CALCR: variants seen among roughly 807,000 people sequenced by gnomAD.
The protein encoded by CALCR is calcitonin receptor.
Under a neutral mutation model 59.5 loss-of-function variants are expected in CALCR, and 47 were observed. The observed-to-expected ratio is 0.79, with a 90% CI of 0.63 to 1.01. The LOEUF (loss-of-function observed/expected upper bound fraction) is 1.01. Among genes scored for constraint, CALCR ranks in the 50% least tolerant of loss-of-function variants. The probability of loss-of-function intolerance (pLI) is 0.00; values close to 1 mark genes in which losing one functional copy is unlikely to be tolerated. For missense variants in CALCR, 566 were observed against 597.1 expected, an observed-to-expected ratio of 0.95 and a Z score of 0.54; for synonymous variants, 213 against 211.3, an observed-to-expected ratio of 1.01 and a Z score of -0.07.
At chr7:93,501,706 G>A (rs1801324980) in intron 2 of CALCR, among the ~76,000 whole-genome samples, 1 of 152,070 alleles carries the variant, frequency 6.6e-6, no homozygotes, top group Admixed American at 6.6e-5. Context: ...AGTGATAGGA[G>A]CTAAAGGACG....
chr7:93,526,649 T>C (rs1413290882), intron 2 of CALCR, among the ~76,000 whole-genome samples: 1 of 152,100 alleles, frequency 6.6e-6, no homozygotes, highest in African/African-American at 2.4e-5. Flanking sequence ...ATATATGAAA[T>C]TTTATTCCAT....
At chr7:93,451,956 G>A (rs1800117925) in intron 8 of CALCR, among the ~76,000 whole-genome samples, 1 of 151,938 alleles carries the variant, frequency 6.6e-6, no homozygotes, top group Non-Finnish European at 1.5e-5. Flanking sequence ...TGTTACAAGT[G>A]AGAGTTAAAC....
intron 2 of CALCR, among the ~76,000 whole-genome samples, chr7:93,535,261 T>G (rs1189714991): frequency 6.6e-6 from 1 of 151,734 alleles, no homozygotes; most frequent in Admixed American, 6.6e-5. Flanking sequence ...TAATAAGACA[T>G]AGTTTATATG....
intron 9 of CALCR, 44 bp downstream of exon 9, chr7:93,443,560 C>T: frequency 6.3e-7 from 1 of 1,579,530 alleles, no homozygotes; most frequent in Non-Finnish European, 8.7e-7. Context: ...AGCATACAGA[C>T]AGAGGTGAAA....
chr7:93,428,786 CAA>C (rs562182322), intron 13 of CALCR, among the ~76,000 whole-genome samples: 19,986 of 83,544 alleles, frequency 0.24, 1,347 homozygotes, highest in East Asian at 0.42. Context: ...GACTCCGTCT[CAA>C]AAAAAAAAAA....
intron 2 of CALCR, among the ~76,000 whole-genome samples, chr7:93,544,579 GT>G (rs1055340798): frequency 6.6e-6 from 1 of 151,694 alleles, no homozygotes; most frequent in Non-Finnish European, 1.5e-5. Flanking sequence ...GTTTATGAAG[GT>G]TTTTTTTCAC....
intron 2 of CALCR, among the ~76,000 whole-genome samples, chr7:93,546,733 T>G (rs1247336721): frequency 6.6e-6 from 1 of 151,864 alleles, no homozygotes; most frequent in Non-Finnish European, 1.5e-5. Context: ...TTGTATTTTT[T>G]TTTTTTTGGT....
chr7:93,460,591 A>ATATATATATG (rs1346977328), intron 8 of CALCR, among the ~76,000 whole-genome samples: 9 of 115,610 alleles, frequency 7.8e-5, no homozygotes, highest in African/African-American at 3.5e-4. Flanking sequence ...ATATATATAT[A>ATATATATATG]TGTATATATA....
At chr7:93,519,011 A>G (rs1212241433) in intron 2 of CALCR, among the ~76,000 whole-genome samples, 1 of 151,984 alleles carries the variant, frequency 6.6e-6, no homozygotes, top group Non-Finnish European at 1.5e-5. Flanking sequence ...TGATCATGTT[A>G]ATTATGTAAT....
intron 8 of CALCR, among the ~76,000 whole-genome samples, chr7:93,452,218 C>T (rs2115766367): frequency 6.6e-6 from 1 of 152,112 alleles, no homozygotes; most frequent in Admixed American, 6.6e-5. Flanking sequence ...ATTTAGGGTT[C>T]AGAGAGAGTC....
intron 2 of CALCR, among the ~76,000 whole-genome samples, chr7:93,509,004 A>C (rs1024719037): frequency 6.6e-6 from 1 of 152,112 alleles, no homozygotes; most frequent in Non-Finnish European, 1.5e-5. Flanking sequence ...ATTCTATCTC[A>C]TCTCATGTGA....
At chr7:93,553,402 A>G (rs1415908833) in intron 2 of CALCR, among the ~76,000 whole-genome samples, 1 of 152,186 alleles carries the variant, frequency 6.6e-6, no homozygotes. Flanking sequence ...ATAATGAGCA[A>G]GATCACTTGT....
At chr7:93,468,254 C>T (rs1232740633) in intron 7 of CALCR, among the ~76,000 whole-genome samples, 3 of 151,706 alleles carry the variant, frequency 2.0e-5, no homozygotes, top group African/African-American at 7.3e-5. Context: ...TAGAAACATG[C>T]TCTGATGTGC....
At chr7:93,558,788 G>A (rs1490029500) in intron 2 of CALCR, among the ~76,000 whole-genome samples, 1 of 152,072 alleles carries the variant, frequency 6.6e-6, no homozygotes, top group Non-Finnish European at 1.5e-5. Context: ...AAACGATGGG[G>A]AAGAGAGTAT....
chr7:93,523,427 T>C (rs1801806201), intron 2 of CALCR, among the ~76,000 whole-genome samples: 1 of 152,204 alleles, frequency 6.6e-6, no homozygotes, highest in African/African-American at 2.4e-5. Flanking sequence ...ATTTAGTTCC[T>C]CTCCTGGACT....
At chr7:93,482,947 A>G in intron 3 of CALCR, 4 of 503,648 alleles carry the variant, frequency 7.9e-6, no homozygotes, top group Non-Finnish European at 1.6e-5. Flanking sequence ...GAATTTTCCC[A>G]ACAGTAGATG....
intron 8 of CALCR, among the ~76,000 whole-genome samples, chr7:93,449,050 G>A (rs748318159): frequency 7.2e-5 from 11 of 151,816 alleles, no homozygotes; most frequent in African/African-American, 1.2e-4. Context: ...AAATTATTTC[G>A]AAATGGTCTA....
chr7:93,518,584 T>C (rs1389563061), intron 2 of CALCR, among the ~76,000 whole-genome samples: 1 of 151,898 alleles, frequency 6.6e-6, no homozygotes, highest in African/African-American at 2.4e-5. Context: ...TACAATCTTT[T>C]TGAAGGGCAA....
At chr7:93,551,285 C>T (rs1011136637) in intron 2 of CALCR, among the ~76,000 whole-genome samples, 7 of 152,158 alleles carry the variant, frequency 4.6e-5, no homozygotes, top group Non-Finnish European at 8.8e-5. Context: ...CTAAGAAATG[C>T]GCTCAAGAAC....
Sources: gnomAD v4.1 joint callset for allele counts (sites outside exome capture counted in the v4.1 genomes callset) on GRCh38, gnomAD v4.1.1 for gene constraint, MANE v1.5 for transcripts, NCBI Gene and HGNC (gene_info 2026-07-23, HGNC 2026-07-21) for gene names.